Variants in PEX1 observed in about 807,000 individuals in gnomAD.
PEX1 encodes peroxisomal ATPase PEX1.
A neutral mutation model predicts 152.5 loss-of-function variants in PEX1; 97 were observed. The ratio of observed to expected loss-of-function variants is 0.64; its 90% CI spans 0.54 to 0.75. PEX1 has a LOEUF of 0.75. Among genes scored for constraint, PEX1 ranks in the 30% least tolerant of loss-of-function variants. The pLI is 0.00. For missense variants in PEX1, 1,357 were observed against 1,516.3 expected (o/e 0.89, Z 1.74); for synonymous variants, 485 against 531.6 (o/e 0.91, Z 1.21).
chr7:92,527,341 G>C (rs1171158849), intron 1 of PEX1, among the ~76,000 whole-genome samples: 2 of 152,156 alleles, frequency 1.3e-5, no homozygotes, highest in Non-Finnish European at 2.9e-5. Context: ...CTGGAACTTG[G>C]TGACAGTGAC....
At chr7:92,520,453 A>G (rs1358633191) in intron 2 of PEX1, among the ~76,000 whole-genome samples, 1 of 152,242 alleles carries the variant, frequency 6.6e-6, no homozygotes, top group Non-Finnish European at 1.5e-5. Flanking sequence ...GTCTGTGCTC[A>G]AAACAAGTTA....
At chr7:92,496,867 C>T (rs1791678436) in intron 16 of PEX1, 90 bp from the exon 17 acceptor site, 1 of 811,668 alleles carries the variant, frequency 1.2e-6, no homozygotes, top group African/African-American at 1.7e-5. Context: ...TCATGGAAAT[C>T]TTTAATATGA....
In PEX1 at chr7:92,494,568, G is replaced by A. The variant is rs866184460; in HGVS notation, c.2845C>T (p.Arg949Trp). 3 of 1,613,674 alleles carry A rather than the reference G, an allele frequency of 1.9e-6. No homozygotes were observed. The highest frequency in any genetic ancestry group is 2.5e-6 in the Non-Finnish European group (3 of 1,179,752). The part of the protein sequence containing the change: ...FDEFESIAPR[R>W]GHDNTGVTDR... ...GTAACTCCTGTATTATCATGACCCC[G>A]CCGAGGAGCAATGGATTCAAATTCA... The change falls in exon 18 of 24, where the codon CGG becomes TGG. Residue 949 changes from arginine (R) to tryptophan (W), a missense_variant. Arg to Trp is a moderately radical substitution (Grantham distance 101). Coordinates refer to ENST00000248633, the MANE Select transcript of PEX1 (RefSeq NM_000466.3).
At position 92,487,408 on chromosome 7, in the gene PEX1, G is replaced by A. The variant is rs1790978984; in HGVS notation, c.*49C>T. 1 of 958,926 alleles carries A rather than the reference G, an allele frequency of 1.0e-6. No homozygotes were observed. The highest frequency in any genetic ancestry group is 2.4e-5 in the East Asian group (1 of 41,184). 59.4% of individuals were successfully genotyped at this position (958,926 alleles called of 1,614,324 possible). A position where few individuals can be genotyped will look rare whatever the true frequency, so the allele number is the denominator to read the frequency against. ...CATTTTTTTCCTGTTACAACATATG[G>A]AAAAGCCATCAAAAAACTTAACAGA... On this transcript the variant is annotated 3_prime_UTR_variant, in exon 24 of 24. Transcript: ENST00000248633.
Position 92,489,494 on chromosome 7 carries a change from TA to T in PEX1, c.3637-72del. 5 of 1,349,198 alleles carry T rather than the reference TA, an allele frequency of 3.7e-6. No homozygotes were observed. The South Asian group carries it at 4.8e-5, about 13-fold the overall frequency. 83.6% of individuals were successfully genotyped at this position (1,349,198 alleles called of 1,614,324 possible). On this transcript the variant is annotated intron_variant, in intron 22 of 23. Transcript: ENST00000248633. ...AAAAAAAATGTGGTAGTCCAGTTGT[TA>T]CTTCTTATTGTCAGTTTTTTCAAGA...
At chr7:92,519,132 T>C in intron 2 of PEX1, 54 bp from the exon 3 acceptor site, 1 of 959,370 alleles carries the variant, frequency 1.0e-6, no homozygotes, top group Admixed American at 1.8e-5. Flanking sequence ...CTGTGTCATA[T>C]ATTAGAAAAT....
At position 92,493,150 on chromosome 7, in the gene PEX1, T is replaced by C. The variant is rs371377104; in HGVS notation, c.3031-21A>G. 4 of 1,388,488 alleles carry C rather than the reference T, an allele frequency of 2.9e-6. No individual in the cohort carries two copies. In the African/African-American group the frequency reaches 5.7e-5, roughly 20 times the overall value. The allele number at this position is 1,388,488 out of a possible 1,614,324, so 86.0% of individuals were successfully genotyped here. Reference sequence around the variant, plus strand: ...GACACCTGAAAGGAGAAAAATTTATTTAACAAATAAAAAATAAAATTAAAA... The same window carrying C: ...GACACCTGAAAGGAGAAAAATTTATCTAACAAATAAAAAATAAAATTAAAA... On this transcript the variant is annotated intron_variant, in intron 19 of 23. Transcript: ENST00000248633.
Position 92,504,746 on chromosome 7 carries a change from T to C in PEX1, c.2057A>G (p.Gln686Arg), listed in dbSNP as rs201016626. 118 of 1,614,030 alleles carry C rather than the reference T, an allele frequency of 7.3e-5. No homozygotes were observed. Among genetic ancestry groups the C allele is most frequent in the Non-Finnish European group, 9.8e-5 (116 of 1,180,026 alleles). Residue 686 changes from glutamine to arginine, a missense_variant, in exon 12 of 24, where the codon CAG (glutamine) becomes CGG (arginine). Coordinates refer to ENST00000248633, the MANE Select transcript of PEX1 (RefSeq NM_000466.3). ...GATGCATTTACCATGAGCAAGCCGC[T>C]GGCTCTGCACCGCATCAGGACTGTG... ...HEHSPDAVQS[Q>R]RLAHALNDMI...
In PEX1 at chr7:92,487,592, A is replaced by C. The variant is rs750667686; in HGVS notation, c.3768-51T>G. On this transcript the variant is annotated intron_variant, in intron 23 of 23. Transcript: ENST00000248633. ...TATGTATAAATACTACCATTACAAA[A>C]CAAAAGATAATGGATTGTTGGCAAA... is the stretch of plus-strand genomic sequence containing the variant. 5 of 793,550 alleles carry C rather than the reference A, an allele frequency of 6.3e-6. No individual in the cohort carries two copies. In the Admixed American group the frequency reaches 8.3e-5, roughly 13 times the overall value. The allele number at this position is 793,550 out of a possible 1,614,324, so 49.2% of individuals were successfully genotyped here. A position where few individuals can be genotyped will look rare whatever the true frequency, so the allele number is the denominator to read the frequency against.
At chr7:92,503,430 C>G (rs557575209) in intron 12 of PEX1, among the ~76,000 whole-genome samples, 13 of 152,208 alleles carry the variant, frequency 8.5e-5, no homozygotes, top group African/African-American at 3.1e-4. Flanking sequence ...AGACCATATA[C>G]TCAGAGCAAT....
chr7:92,499,442 CAAAA>C (rs1430026951), intron 16 of PEX1, among the ~76,000 whole-genome samples: 1 of 151,844 alleles, frequency 6.6e-6, no homozygotes, highest in African/African-American at 2.4e-5. Flanking sequence ...AGAAGCCAGA[CAAAA>C]AAGGTCACAT....
Position 92,487,372 on chromosome 7 carries a change from T to G in PEX1, c.*85A>C. 1.4e-6 allele frequency: 1 copy of G among 734,930 alleles called. No individual in the cohort carries two copies. The highest frequency in any genetic ancestry group is 2.4e-6 in the Non-Finnish European group (1 of 419,364). 45.5% of individuals were successfully genotyped at this position (734,930 alleles called of 1,614,324 possible). A position where few individuals can be genotyped will look rare whatever the true frequency, so the allele number is the denominator to read the frequency against. Reference sequence around the variant, plus strand: ...CCAAATTTGTTAAATTAAGAAGAAATTCATAGACACCATTTTTTTCCTGTT... The same window carrying G: ...CCAAATTTGTTAAATTAAGAAGAAAGTCATAGACACCATTTTTTTCCTGTT... On this transcript the variant is annotated 3_prime_UTR_variant, in exon 24 of 24. Transcript: ENST00000248633.
intron 2 of PEX1, among the ~76,000 whole-genome samples, chr7:92,520,521 G>T (rs1237807750): frequency 2.0e-5 from 3 of 152,204 alleles, no homozygotes; most frequent in Non-Finnish European, 4.4e-5. Context: ...GAGCAATGTA[G>T]CCCCATCTAT....
intron 17 of PEX1, among the ~76,000 whole-genome samples, chr7:92,496,493 T>C (rs974575298): frequency 6.6e-6 from 1 of 152,180 alleles, no homozygotes; most frequent in African/African-American, 2.4e-5. Context: ...TTGAGGAGTA[T>C]TTCTATTGTA....
rs754337792 is a variant in PEX1 at position 92,507,025 on chromosome 7, C to T, written c.1772G>A (p.Arg591Lys). 8.2e-5 allele frequency: 132 copies of T among 1,614,050 alleles called. No homozygotes were observed. Among genetic ancestry groups the T allele is most frequent in the South Asian group, 2.6e-4 (24 of 91,074 alleles). ...RQLMSLVAGL[R>K]NGALLLTGGK... ...TCCTGTGAGTAAAAGAGCTCCATTC[C>T]TAAGTCCTGCAACAAGAGACATCAG... The change falls in exon 10 of 24, where the codon AGG (arginine) becomes AAG (lysine). Residue 591 changes from arginine to lysine, a missense_variant. Coordinates refer to ENST00000248633, the MANE Select transcript of PEX1 (RefSeq NM_000466.3).
chr7:92,521,443 AT>A (rs998379324), intron 2 of PEX1, among the ~76,000 whole-genome samples: 1 of 152,010 alleles, frequency 6.6e-6, no homozygotes, highest in African/African-American at 2.4e-5. Flanking sequence ...TTTATTTTTT[AT>A]TTTTTTTCAA....
At chr7:92,507,345 C>T in intron 9 of PEX1, 1 of 456,902 alleles carries the variant, frequency 2.2e-6, no homozygotes. Context: ...CAAAGGTGAT[C>T]CTCCTGCCTC....
chr7:92,506,127 G>T, intron 11 of PEX1, 121 bp downstream of exon 11: 1 of 263,172 alleles, frequency 3.8e-6, no homozygotes, highest in Non-Finnish European at 6.9e-6. Context: ...ATGACTAAAT[G>T]ATAAACAGAA....
chr7:92,494,353 G>A lies in PEX1; in HGVS notation c.2970C>T (p.Asp990=). 1 of 1,613,970 alleles carries A rather than the reference G, an allele frequency of 6.2e-7. No homozygotes were observed. Among genetic ancestry groups the A allele is most frequent in the East Asian group, 2.2e-5 (1 of 44,880 alleles). ...LAATSRPDLI[D]PALLRPGRLD... is the part of the protein sequence containing the mutation. Reference sequence around the variant, plus strand: ...GTCGACCAGGCCTAAGCAGGGCAGGGTCAATCAAGTCAGGGCGACTAGTAG... The same window carrying A: ...GTCGACCAGGCCTAAGCAGGGCAGGATCAATCAAGTCAGGGCGACTAGTAG... The change falls in exon 19 of 24, where the codon GAC becomes GAT. Residue 990 remains aspartate (D), a synonymous_variant. Coordinates refer to ENST00000248633, the MANE Select transcript of PEX1 (RefSeq NM_000466.3).
Sources: gnomAD v4.1 joint callset for allele counts (sites outside exome capture counted in the v4.1 genomes callset) on GRCh38, gnomAD v4.1.1 for gene constraint, MANE v1.5 for transcripts, NCBI Gene and HGNC (gene_info 2026-07-23, HGNC 2026-07-21) for gene names.